SLC9C1: variants seen among roughly 807,000 people sequenced by gnomAD.
SLC9C1 encodes the protein solute carrier family 9 member C1, also known as sodium/hydrogen exchanger 10.
In SLC9C1, 97 loss-of-function variants were observed where a neutral mutation model predicts 140.9. The observed-to-expected ratio is 0.69, with a 90% CI of 0.58 to 0.82. The LOEUF (loss-of-function observed/expected upper bound fraction) is 0.82, where lower values mean the gene tolerates loss of function less well. Ranked by LOEUF, SLC9C1 falls within the 40% of genes least tolerant of loss-of-function variation. SLC9C1 has a pLI of 0.00. For missense variants in SLC9C1, 1,340 were observed against 1,389.3 expected, an observed-to-expected ratio of 0.96 and a Z score of 0.56; for synonymous variants, 440 against 442.6, an observed-to-expected ratio of 0.99 and a Z score of 0.07.
intron 9 of SLC9C1, 66 bp downstream of exon 9, chr3:112,264,134 T>C: frequency 2.6e-6 from 2 of 754,762 alleles, no homozygotes; most frequent in Admixed American, 4.7e-5. Flanking sequence ...CTTTGTGTTA[T>C]TTAAAAGATG....
chr3:112,263,923 T>G (rs950744420), intron 9 of SLC9C1, among the ~76,000 whole-genome samples: 1 of 151,868 alleles, frequency 6.6e-6, no homozygotes, highest in African/African-American at 2.4e-5. Context: ...TTATTTATAA[T>G]AGGTACTTAA....
chr3:112,206,471 G>C (rs954162940), intron 16 of SLC9C1, among the ~76,000 whole-genome samples: 13 of 152,096 alleles, frequency 8.5e-5, no homozygotes, highest in African/African-American at 3.1e-4. Context: ...AATACCATTT[G>C]ACCCAGCCAT....
chr3:112,198,811 T>C (rs2077830423), intron 20 of SLC9C1, among the ~76,000 whole-genome samples: 1 of 151,910 alleles, frequency 6.6e-6, no homozygotes, highest in South Asian at 2.1e-4. Context: ...GTATAACAGG[T>C]TTATGCTTTT....
At chr3:112,266,804 G>A (rs560404124) in intron 7 of SLC9C1, among the ~76,000 whole-genome samples, 26 of 152,162 alleles carry the variant, frequency 1.7e-4, no homozygotes, top group African/African-American at 6.0e-4. Context: ...TTCATACTTC[G>A]ACTATTTCTG....
Position 112,277,782 on chromosome 3 carries a change from G to A in SLC9C1, c.397C>T (p.Leu133Phe). The A allele has an allele frequency of 1.9e-6, 3 of 1,612,772 alleles. No homozygotes were observed. The highest frequency in any genetic ancestry group is 2.5e-6 in the Non-Finnish European group (3 of 1,179,264). ...AATAACCATTGGGTAGGCTTCAAAAGTAATTGATTTACAGATGCCAGATGC... is the reference window on the plus strand; with the variant it reads ...AATAACCATTGGGTAGGCTTCAAAAATAATTGATTTACAGATGCCAGATGC... ...LWHLASVNQLLLKPTQWLLFS... is the reference protein window; with the variant it reads ...LWHLASVNQLFLKPTQWLLFS... Residue 133 changes from leucine to phenylalanine, a missense_variant, in exon 5 of 29, where the codon CTT becomes TTT. Physicochemically the swap from Leu to Phe is conservative, Grantham distance 22. Transcript: ENST00000305815.
chr3:112,258,029 A>G (rs890460123), intron 10 of SLC9C1, among the ~76,000 whole-genome samples: 1 of 152,228 alleles, frequency 6.6e-6, no homozygotes, highest in Non-Finnish European at 1.5e-5. Context: ...CTATTATTAA[A>G]AAGTCAAAAA....
chr3:112,258,092 G>A (rs6785852), intron 10 of SLC9C1, among the ~76,000 whole-genome samples: 1,717 of 152,238 alleles, frequency 0.011, 39 homozygotes, highest in African/African-American at 0.037. Flanking sequence ...TACAGTTAGT[G>A]GGAGTGTAAG....
chr3:112,262,929 A>G lies in SLC9C1; in HGVS notation c.1192T>C (p.Ser398Pro). The G allele has an allele frequency of 6.4e-7, 1 of 1,569,324 alleles. No homozygotes were observed. Among genetic ancestry groups the G allele is most frequent in the Non-Finnish European group, 8.6e-7 (1 of 1,165,162 alleles). ...GAAAATACAGCTTTCTTTACTTGAG[A>G]TTTTTCTTTGTCAGATCCAAAATAA... ...DLYFGSDKEK[S>P]QILFHGVLVC... The change falls in exon 10 of 29, where the codon TCT becomes CCT. Residue 398 changes from serine to proline, a missense_variant. By Grantham distance (74) the Ser-to-Pro change is moderately conservative (BLOSUM62 -1). Coordinates refer to ENST00000305815, the MANE Select transcript of SLC9C1 (RefSeq NM_183061.3).
chr3:112,162,218 AG>A (rs1208901915), intron 26 of SLC9C1, among the ~76,000 whole-genome samples: 12 of 152,336 alleles, frequency 7.9e-5, no homozygotes, highest in Admixed American at 7.8e-4. Context: ...ATCTGCAAAC[AG>A]GGACAATTTG....
At chr3:112,154,915 A>G in intron 27 of SLC9C1, 82 bp downstream of exon 27, 1 of 1,341,772 alleles carries the variant, frequency 7.5e-7, no homozygotes, top group East Asian at 2.3e-5. Context: ...TCAGAATAAG[A>G]GAAACACATT....
At chr3:112,220,912 C>T (rs1043551438) in intron 14 of SLC9C1, among the ~76,000 whole-genome samples, 11 of 152,050 alleles carry the variant, frequency 7.2e-5, no homozygotes, top group Non-Finnish European at 1.2e-4. Context: ...TTCAAAATCA[C>T]GGAGGTAAGA....
chr3:112,217,528 A>G lies in SLC9C1; in HGVS notation c.1704T>C (p.Ser568=), dbSNP rs2078416914. 2 of 1,608,368 alleles carry G rather than the reference A, an allele frequency of 1.2e-6. No individual in the cohort carries two copies. The highest frequency in any genetic ancestry group is 1.1e-5 in the South Asian group (1 of 89,844). Residue 568 remains serine, a synonymous_variant, in exon 15 of 29, where the codon TCT becomes TCC. Transcript: ENST00000305815. ...CMSLDTIKNY[S]ESQKTVTFAR... ...CAAAGGTAACTGTTTTTTGGCTTTC[A>G]GAATAATTCTTTATTGTATCAAGAC...
chr3:112,206,562 C>G (rs540897409), intron 16 of SLC9C1, among the ~76,000 whole-genome samples: 1 of 152,146 alleles, frequency 6.6e-6, no homozygotes, highest in African/African-American at 2.4e-5. Context: ...ATTGCGGCAC[C>G]ATTCACAATA....
intron 12 of SLC9C1, among the ~76,000 whole-genome samples, 159 bp downstream of exon 12, chr3:112,239,681 T>C (rs2079088753): frequency 6.6e-6 from 1 of 152,222 alleles, no homozygotes; most frequent in Non-Finnish European, 1.5e-5. Context: ...ATGAAGTTCC[T>C]TAACACTCCC....
intron 2 of SLC9C1, among the ~76,000 whole-genome samples, chr3:112,282,161 T>C (rs1195359875): frequency 6.6e-6 from 1 of 152,242 alleles, no homozygotes; most frequent in Non-Finnish European, 1.5e-5. Context: ...GAGCTTTCAA[T>C]GGCCATTTTA....
intron 28 of SLC9C1, among the ~76,000 whole-genome samples, chr3:112,142,130 A>G (rs887643033): frequency 2.0e-5 from 3 of 152,206 alleles, no homozygotes; most frequent in African/African-American, 7.2e-5. Context: ...GAGCATTCTT[A>G]TAACTTTGTT....
At chr3:112,154,896 T>C (rs993412015) in intron 27 of SLC9C1, 101 bp downstream of exon 27, 1 of 1,134,368 alleles carries the variant, frequency 8.8e-7, no homozygotes. Context: ...GACTAGCAGA[T>C]GAACTTTTTC....
intron 1 of SLC9C1, among the ~76,000 whole-genome samples, chr3:112,289,758 A>G (rs891915395): frequency 1.3e-5 from 2 of 152,180 alleles, no homozygotes; most frequent in African/African-American, 4.8e-5. Context: ...AAGGATTTCT[A>G]AATTTTTTAA....
chr3:112,141,273 T>C lies in SLC9C1; in HGVS notation c.3533A>G (p.Ter1178=). 6.3e-7 allele frequency: 1 copy of C among 1,584,010 alleles called. No homozygotes were observed. Among genetic ancestry groups the C allele is most frequent in the Admixed American group, 1.8e-5 (1 of 55,182 alleles). The change falls in exon 29 of 29, where the codon TAA becomes TGA. Residue 1178 remains the stop codon, a stop_retained_variant. Coordinates refer to ENST00000305815, the MANE Select transcript of SLC9C1 (RefSeq NM_183061.3). ...RINLRKVRKE[*] ...CATGCTTCGGTCTTCTTAACAGTCTTACTCTTTCCTAATAGAAGCGGAAAG... is the reference window on the plus strand; with the variant it reads ...CATGCTTCGGTCTTCTTAACAGTCTCACTCTTTCCTAATAGAAGCGGAAAG...
Sources: allele counts gnomAD v4.1 joint callset (sites outside exome capture counted in the v4.1 genomes callset), GRCh38; gene constraint gnomAD v4.1.1; transcripts MANE v1.5; gene names NCBI Gene and HGNC (gene_info 2026-07-23, HGNC 2026-07-21).